ITPRID1: variants seen among roughly 807,000 people sequenced by gnomAD.
ITPRID1 encodes ITPR interacting domain containing 1.
In ITPRID1, 96 loss-of-function variants were observed where a neutral mutation model predicts 95.4. The observed-to-expected ratio is 1.01, with a 90% CI of 0.85 to 1.19. The LOEUF is 1.19. ITPRID1 is among the 50% of genes most tolerant of loss of function. ITPRID1 has a pLI of 0.00. For missense variants in ITPRID1, 1,339 were observed against 1,252.9 expected (o/e 1.07, Z -1.04); for synonymous variants, 510 against 453.6 (o/e 1.12, Z -1.58).
intron 8 of ITPRID1, 121 bp downstream of exon 8, chr7:31,574,863 C>A: frequency 1.2e-6 from 1 of 828,066 alleles, no homozygotes; most frequent in Non-Finnish European, 2.0e-6. Context: ...AGTGACTTCA[C>A]ACACAAAAGA....
At chr7:31,577,465 C>A (rs1012472212) in intron 8 of ITPRID1, among the ~76,000 whole-genome samples, 1 of 152,216 alleles carries the variant, frequency 6.6e-6, no homozygotes. Context: ...TAGGAATACA[C>A]ATCACATAGA....
At chr7:31,646,118 G>A (rs1242430907) in intron 12 of ITPRID1, among the ~76,000 whole-genome samples, 1 of 152,082 alleles carries the variant, frequency 6.6e-6, no homozygotes, top group African/African-American at 2.4e-5. Context: ...TTTAAGACAA[G>A]CATTACAAAG....
intron 10 of ITPRID1, among the ~76,000 whole-genome samples, chr7:31,630,823 A>G (rs1029212344): frequency 5.3e-5 from 8 of 152,170 alleles, no homozygotes; most frequent in Non-Finnish European, 1.2e-4. Flanking sequence ...AAATATACCA[A>G]AAAGTATGTC....
intron 5 of ITPRID1, among the ~76,000 whole-genome samples, chr7:31,564,783 C>A (rs565027133): frequency 6.6e-6 from 1 of 152,112 alleles, no homozygotes; most frequent in South Asian, 2.1e-4. Context: ...AGTGGGATAG[C>A]GACGGCAGAA....
intron 1 of ITPRID1, among the ~76,000 whole-genome samples, chr7:31,539,917 G>A (rs939894309): frequency 6.6e-6 from 1 of 152,052 alleles, no homozygotes. Context: ...GGAGGGGTTT[G>A]GAATGTTTCT....
intron 1 of ITPRID1, among the ~76,000 whole-genome samples, chr7:31,527,778 G>A (rs1783468458): frequency 6.6e-6 from 1 of 152,092 alleles, no homozygotes. Flanking sequence ...AAAACCCTTA[G>A]CAATTATTTT....
chr7:31,647,460 G>A (rs917838404), intron 12 of ITPRID1, among the ~76,000 whole-genome samples: 5 of 150,172 alleles, frequency 3.3e-5, no homozygotes, highest in Admixed American at 6.6e-5. Flanking sequence ...TTAGGGCTTC[G>A]AGAACAGCCT....
chr7:31,641,991 T>C (rs1414866136), intron 10 of ITPRID1, among the ~76,000 whole-genome samples, 185 bp from the exon 11 acceptor site: 1 of 152,178 alleles, frequency 6.6e-6, no homozygotes, highest in African/African-American at 2.4e-5. Flanking sequence ...AGTGATGCAA[T>C]TTTAACTGAA....
intron 1 of ITPRID1, among the ~76,000 whole-genome samples, chr7:31,520,938 AC>A (rs1783230147): frequency 6.6e-6 from 1 of 151,822 alleles, no homozygotes; most frequent in Admixed American, 6.6e-5. Flanking sequence ...AACTGTAAGA[AC>A]CCTGGCTTCA....
chr7:31,626,509 C>G (rs1788481193), intron 10 of ITPRID1, among the ~76,000 whole-genome samples: 1 of 152,122 alleles, frequency 6.6e-6, no homozygotes, highest in South Asian at 2.1e-4. Flanking sequence ...GTATGCTTCC[C>G]TTTGCTGTCA....
intron 10 of ITPRID1, among the ~76,000 whole-genome samples, chr7:31,585,989 C>A (rs193255352): frequency 3.6e-5 from 5 of 139,920 alleles, no homozygotes; most frequent in Non-Finnish European, 7.7e-5. Flanking sequence ...TCCCTCCCCC[C>A]TCCCCCCATC....
intron 1 of ITPRID1, among the ~76,000 whole-genome samples, chr7:31,543,165 TG>T (rs1783985316): frequency 6.6e-6 from 1 of 152,106 alleles, no homozygotes; most frequent in Non-Finnish European, 1.5e-5. Flanking sequence ...CAAGCATAGC[TG>T]GAAGACAAAG....
rs1359617284 is a variant in ITPRID1 at position 31,654,127 on chromosome 7, T to C, written c.*1298T>C. On this transcript the variant is annotated 3_prime_UTR_variant, in exon 15 of 15. Coordinates refer to ENST00000615280, the MANE Select transcript of ITPRID1 (RefSeq NM_001257967.3). ...AGAGCCTCAGAAGACAGTGTGATAA[T>C]GTTGCAAAGGGAGATGTGGAGTAAA... 6.6e-6 allele frequency among the ~76,000 whole-genome samples: 1 copy of C among 150,568 alleles called. No individual in the cohort carries two copies. The highest frequency in any genetic ancestry group is 1.5e-5 in the Non-Finnish European group (1 of 67,838).
rs183622543 is a variant in ITPRID1, at chr7:31,628,417, G to A, written c.1229-13759G>A. Among the ~76,000 whole-genome samples the A allele has an allele frequency of 6.5e-4, 98 of 151,910 alleles. 1 individual carries two copies. The highest frequency in any genetic ancestry group is 6.5e-4 in the Admixed American group (10 of 15,274). On this transcript the variant is annotated intron_variant, in intron 10 of 14. Transcript: ENST00000615280. The stretch of plus-strand genomic sequence containing the variant: ...GAATCCCACATCTGTCCCCCAGAAT[G>A]CAGCTAGGAAGAGAAACACAAGCGT...
intron 10 of ITPRID1, among the ~76,000 whole-genome samples, chr7:31,617,527 G>A (rs1787370920): frequency 6.6e-6 from 1 of 152,228 alleles, no homozygotes; most frequent in South Asian, 2.1e-4. Flanking sequence ...TTCATTGTGA[G>A]TGGAGATAAG....
At chr7:31,597,416 G>T (rs947891362) in intron 10 of ITPRID1, among the ~76,000 whole-genome samples, 8 of 151,752 alleles carry the variant, frequency 5.3e-5, no homozygotes, top group Non-Finnish European at 1.0e-4. Context: ...TAACAAGTTT[G>T]TTGGATATGA....
At chr7:31,652,144 T>G in intron 14 of ITPRID1, 94 bp downstream of exon 14, 1 of 993,442 alleles carries the variant, frequency 1.0e-6, no homozygotes, top group Non-Finnish European at 1.5e-6. Context: ...CATTTCAGAA[T>G]CTAGGTTTAC....
Position 31,554,526 on chromosome 7 carries a change from A to G in ITPRID1, c.212+3A>G, listed in dbSNP as rs1196030250. 1 of 1,612,250 alleles carries G rather than the reference A, an allele frequency of 6.2e-7. No individual in the cohort carries two copies. The highest frequency in any genetic ancestry group is 8.5e-7 in the Non-Finnish European group (1 of 1,179,128). On this transcript the variant is annotated splice_donor_region_variant and intron_variant, in intron 4 of 14. Coordinates refer to ENST00000615280, the MANE Select transcript of ITPRID1 (RefSeq NM_001257967.3). ...CAGTGGCTGGACTCTGGATTCTTGT[A>G]AGTGTTTTTGTGTGTGTGTGCCTTA... is the stretch of plus-strand genomic sequence containing the variant.
chr7:31,614,786 G>A (rs1787049177), intron 10 of ITPRID1, among the ~76,000 whole-genome samples: 1 of 152,130 alleles, frequency 6.6e-6, no homozygotes, highest in African/African-American at 2.4e-5. Flanking sequence ...ATTGTCATCT[G>A]GTTTGAGAAC....
Sources: allele counts gnomAD v4.1 joint callset (sites outside exome capture counted in the v4.1 genomes callset), GRCh38; gene constraint gnomAD v4.1.1; transcripts MANE v1.5; gene names NCBI Gene and HGNC (gene_info 2026-07-23, HGNC 2026-07-21).